Variants in SLC41A2 observed in about 807,000 individuals in gnomAD.
SLC41A2 encodes SLC41A1-like 1.
A neutral mutation model predicts 58.3 loss-of-function variants in SLC41A2; 32 were observed. The ratio of observed to expected loss-of-function variants is 0.55; its 90% CI spans 0.41 to 0.74. The LOEUF (loss-of-function observed/expected upper bound fraction) is 0.74, where lower values mean the gene tolerates loss of function less well. SLC41A2 is among the 30% of genes least tolerant of loss of function. The probability of loss-of-function intolerance (pLI) is 0.00; values close to 1 mark genes in which losing one functional copy is unlikely to be tolerated. For missense variants in SLC41A2, 514 were observed against 680.6 expected (o/e 0.76, Z 2.72); for synonymous variants, 190 against 235.0 (o/e 0.81, Z 1.75).
In SLC41A2 at chr12:104,804,951, G is replaced by T; in HGVS notation, c.*201C>A. On this transcript the variant is annotated 3_prime_UTR_variant, in exon 11 of 11. Transcript: ENST00000258538. ...TATGTCAAATTATCATTTATTCTAT[G>T]AAAAGCAGCACGAATACTCTTCATT... 1 of 430,728 alleles carries T rather than the reference G, an allele frequency of 2.3e-6. No homozygotes were observed. Among genetic ancestry groups the T allele is most frequent in the Non-Finnish European group, 4.1e-6 (1 of 241,334 alleles). 26.7% of individuals were successfully genotyped at this position (430,728 alleles called of 1,614,324 possible).
Position 104,804,909 on chromosome 12 carries a change from G to A in SLC41A2, c.*243C>T, listed in dbSNP as rs2040836627. Reference sequence around the variant, plus strand: ...TCTTTCCTAATTAATTTCAGAGCTGGAACTTATATCTATGTCTATGTCAAA... The same window carrying A: ...TCTTTCCTAATTAATTTCAGAGCTGAAACTTATATCTATGTCTATGTCAAA... On this transcript the variant is annotated 3_prime_UTR_variant, in exon 11 of 11. Coordinates refer to ENST00000258538, the MANE Select transcript of SLC41A2 (RefSeq NM_001352171.3). 6.9e-6 allele frequency: 2 copies of A among 289,980 alleles called. No homozygotes were observed. Among genetic ancestry groups the A allele is most frequent in the Non-Finnish European group, 1.3e-5 (2 of 156,808 alleles). The allele number at this position is 289,980 out of a possible 1,614,324, so 18.0% of individuals were successfully genotyped here.
chr12:104,844,409 C>T (rs2042528437), intron 10 of SLC41A2, 63 bp downstream of exon 10: 3 of 1,089,730 alleles, frequency 2.8e-6, no homozygotes, highest in Non-Finnish European at 2.5e-6. Context: ...TTTTATATTT[C>T]CACAGTTGTA....
chr12:104,862,803 C>A (rs549400815), intron 7 of SLC41A2, among the ~76,000 whole-genome samples: 1 of 151,892 alleles, frequency 6.6e-6, no homozygotes, highest in East Asian at 1.9e-4. Flanking sequence ...AACACCTATA[C>A]AACATGTTTT....
chr12:104,876,481 T>A (rs1269202741), intron 6 of SLC41A2, among the ~76,000 whole-genome samples: 1 of 152,170 alleles, frequency 6.6e-6, no homozygotes, highest in South Asian at 2.1e-4. Context: ...CTCAATATAT[T>A]TTTTTAATTT....
At chr12:104,895,157 G>C in intron 4 of SLC41A2, 117 bp downstream of exon 4, 2 of 622,822 alleles carry the variant, frequency 3.2e-6, no homozygotes, top group Non-Finnish European at 5.6e-6. Context: ...TATTGTTTTG[G>C]TGTTTCTGAA....
In SLC41A2 at chr12:104,813,378, A is replaced by G. The variant is rs571200033; in HGVS notation, c.1537-8041T>C. ...TATTAAAAAAAGATTGAGCATTACTACACTAGGAGGATGGAAGGTGGGGAA... is the reference window on the plus strand; with the variant it reads ...TATTAAAAAAAGATTGAGCATTACTGCACTAGGAGGATGGAAGGTGGGGAA... On this transcript the variant is annotated intron_variant, in intron 10 of 10. Transcript: ENST00000258538. Among the ~76,000 whole-genome samples, 8 of 152,306 alleles carry G rather than the reference A, an allele frequency of 5.3e-5. No individual in the cohort carries two copies. In the South Asian group the frequency reaches 1.0e-3, roughly 20 times the overall value.
intron 3 of SLC41A2, among the ~76,000 whole-genome samples, chr12:104,903,117 T>G (rs1295517622): frequency 6.6e-6 from 1 of 152,198 alleles, no homozygotes; most frequent in Non-Finnish European, 1.5e-5. Flanking sequence ...TGATTCTCTC[T>G]GAAAATTAAT....
intron 1 of SLC41A2, among the ~76,000 whole-genome samples, chr12:104,944,377 A>AG (rs1383198352): frequency 5.3e-5 from 8 of 152,224 alleles, no homozygotes; most frequent in African/African-American, 1.9e-4. Flanking sequence ...GCACCACCCA[A>AG]GGGATGAGGC....
At chr12:104,848,029 A>G (rs1408185982) in intron 8 of SLC41A2, among the ~76,000 whole-genome samples, 1 of 152,218 alleles carries the variant, frequency 6.6e-6, no homozygotes, top group Non-Finnish European at 1.5e-5. Flanking sequence ...CTAGCCAACA[A>G]CAGCAGAATA....
chr12:104,815,333 T>C (rs1321334103), intron 10 of SLC41A2, among the ~76,000 whole-genome samples: 1 of 152,232 alleles, frequency 6.6e-6, no homozygotes, highest in Non-Finnish European at 1.5e-5. Flanking sequence ...TATCATCTGT[T>C]TGTTCTTTAT....
chr12:104,806,213 A>C (rs1329253583), intron 10 of SLC41A2, among the ~76,000 whole-genome samples: 118 of 127,918 alleles, frequency 9.2e-4, no homozygotes, highest in Middle Eastern at 3.8e-3. Context: ...ATCCCTCCCC[A>C]CTCCCCCCAC....
intron 2 of SLC41A2, among the ~76,000 whole-genome samples, chr12:104,911,093 C>A (rs76796112): frequency 0.014 from 2,103 of 152,274 alleles, 60 homozygotes; most frequent in African/African-American, 0.048. Context: ...TAATTTAATT[C>A]TTTAAACCAA....
chr12:104,810,767 T>C (rs2041139088), intron 10 of SLC41A2, among the ~76,000 whole-genome samples: 1 of 152,138 alleles, frequency 6.6e-6, no homozygotes, highest in African/African-American at 2.4e-5. Context: ...AGAGAGCATA[T>C]GGTCCACTAA....
At chr12:104,853,957 A>C (rs746875198) in intron 8 of SLC41A2, among the ~76,000 whole-genome samples, 32 of 110,488 alleles carry the variant, frequency 2.9e-4, no homozygotes, top group Non-Finnish European at 4.7e-4. Flanking sequence ...CTGAGGTCTC[A>C]CTATGTTGCC....
chr12:104,856,290 A>G (rs1217323800), intron 8 of SLC41A2, among the ~76,000 whole-genome samples: 1 of 152,240 alleles, frequency 6.6e-6, no homozygotes, highest in Non-Finnish European at 1.5e-5. Context: ...AGAAGCGATG[A>G]GAATGGTAGA....
rs372175701 is a variant in SLC41A2, at chr12:104,892,301, A to AAAAATAAAAT, written c.735+2963_735+2972dup. Among the ~76,000 whole-genome samples the AAAAATAAAAT allele has an allele frequency of 1.1e-3, 158 of 140,680 alleles. 5 individuals are homozygous for AAAAATAAAAT. The highest frequency in any genetic ancestry group is 6.9e-3 in the Middle Eastern group (2 of 290). The allele number at this position is 140,680 out of a possible 152,430, so 92.3% of individuals were successfully genotyped here. On this transcript the variant is annotated intron_variant, in intron 4 of 10. Coordinates refer to ENST00000258538, the MANE Select transcript of SLC41A2 (RefSeq NM_001352171.3). ...ACAGAACAAGACCTCATCTCAAAAAAAAAATAAAATAAAATAAAATAAAAT... is the reference window on the plus strand; with the variant it reads ...ACAGAACAAGACCTCATCTCAAAAAAAAAATAAAATAAAATAAAATAAAATAAAATAAAAT...
intron 1 of SLC41A2, among the ~76,000 whole-genome samples, chr12:104,941,333 A>G (rs2047506041): frequency 1.3e-5 from 2 of 152,212 alleles, no homozygotes; most frequent in Admixed American, 1.3e-4. Flanking sequence ...TTTCTACATG[A>G]CTAAACATTT....
intron 1 of SLC41A2, among the ~76,000 whole-genome samples, chr12:104,936,520 G>T (rs147955359): frequency 6.6e-6 from 1 of 152,362 alleles, no homozygotes; most frequent in African/African-American, 2.4e-5. Flanking sequence ...AATCACGGCA[G>T]AAGGCAAGGA....
At chr12:104,866,380 G>T (rs1007344498) in intron 7 of SLC41A2, 52 bp downstream of exon 7, 2 of 1,381,710 alleles carry the variant, frequency 1.4e-6, no homozygotes, top group South Asian at 1.7e-5. Context: ...ACAGACAGAC[G>T]TACACACACA....
Sources: allele counts gnomAD v4.1 joint callset (sites outside exome capture counted in the v4.1 genomes callset), GRCh38; gene constraint gnomAD v4.1.1; transcripts MANE v1.5; gene names NCBI Gene and HGNC (gene_info 2026-07-23, HGNC 2026-07-21).